Variants in CEP85L observed in about 807,000 individuals in gnomAD.
CEP85L encodes centrosomal protein 85L.
In CEP85L, 60 loss-of-function variants were observed where a neutral mutation model predicts 100.3. That is an observed-to-expected ratio of 0.60 (90% confidence interval 0.49 to 0.74). CEP85L has a LOEUF of 0.74. CEP85L is among the 30% of genes least tolerant of loss of function. CEP85L has a pLI of 0.00. For missense variants in CEP85L, 973 were observed against 936.2 expected (o/e 1.04, Z -0.51); for synonymous variants, 319 against 322.7 (o/e 0.99, Z 0.12).
At chr6:118,485,645 G>A (rs1774129663) in intron 6 of CEP85L, among the ~76,000 whole-genome samples, 1 of 152,130 alleles carries the variant, frequency 6.6e-6, no homozygotes, top group South Asian at 2.1e-4. Context: ...TACAGATGAG[G>A]CCCAAAGATC....
At chr6:118,650,139 T>C (rs552845713) in intron 1 of CEP85L, among the ~76,000 whole-genome samples, 38 of 152,314 alleles carry the variant, frequency 2.5e-4, no homozygotes, top group African/African-American at 9.1e-4. Flanking sequence ...CAAGTCGAGC[T>C]CAAACACTTT....
At chr6:118,632,224 C>T (rs1423491488) in intron 2 of CEP85L, among the ~76,000 whole-genome samples, 1 of 152,118 alleles carries the variant, frequency 6.6e-6, no homozygotes. Context: ...CTCCTGACCT[C>T]GTGATCCGCC....
Position 118,460,816 on chromosome 6 carries a change from A to G in CEP85L, c.*4589T>C, listed in dbSNP as rs578006002. On this transcript the variant is annotated 3_prime_UTR_variant, in exon 13 of 13. Coordinates refer to ENST00000368491, the MANE Select transcript of CEP85L (RefSeq NM_001042475.3). ...TTTCTCTGTAAATACAAATTCCAAC[A>G]TCAACAAACAATAGTCCAGTGGAAA... The G allele has an allele frequency of 7.2e-5, 11 of 152,324 alleles. No homozygotes were observed. Among genetic ancestry groups the G allele is most frequent in the African/African-American group, 2.6e-4 (11 of 41,594 alleles). The allele number at this position is 152,324 out of a possible 1,614,324, so 9.4% of individuals were successfully genotyped here.
At chr6:118,524,775 C>T (rs1243158960) in intron 3 of CEP85L, among the ~76,000 whole-genome samples, 2 of 152,206 alleles carry the variant, frequency 1.3e-5, no homozygotes. Flanking sequence ...TGACCCACTC[C>T]ACAAGTGTGC....
intron 5 of CEP85L, among the ~76,000 whole-genome samples, chr6:118,494,789 C>T (rs182170047): frequency 3.3e-5 from 5 of 152,058 alleles, no homozygotes; most frequent in East Asian, 1.9e-4. Context: ...TTACAAGACA[C>T]GCAAAAAGGC....
At chr6:118,569,340 T>TC (rs1165120089) in intron 2 of CEP85L, among the ~76,000 whole-genome samples, 1 of 14,000 alleles carries the variant, frequency 7.1e-5, no homozygotes, top group African/African-American at 3.2e-4. Flanking sequence ...AGACTCTGTC[T>TC]CAAAAAAAAA....
At chr6:118,482,088 C>T (rs935119687) in intron 7 of CEP85L, among the ~76,000 whole-genome samples, 155 bp from the exon 8 acceptor site, 8 of 150,654 alleles carry the variant, frequency 5.3e-5, no homozygotes, top group African/African-American at 1.7e-4. Context: ...TTTAATTCTC[C>T]ATCTCTTCCT....
chr6:118,565,638 A>G lies in CEP85L; in HGVS notation c.911T>C (p.Leu304Pro). The G allele has an allele frequency of 6.2e-7, 1 of 1,614,208 alleles. No individual in the cohort carries two copies. Among genetic ancestry groups the G allele is most frequent in the Non-Finnish European group, 8.5e-7 (1 of 1,180,036 alleles). Residue 304 changes from leucine to proline, a missense_variant, in exon 3 of 13, where the codon CTG (leucine) becomes CCG (proline). Coordinates refer to ENST00000368491, the MANE Select transcript of CEP85L (RefSeq NM_001042475.3). The stretch of plus-strand genomic sequence containing the variant: ...TCTACCTTCCAAAGGATTTGTCCGC[A>G]GCTGCTCTGTAAGCCACATCTGAGT... Reference protein sequence around the residue: ...VRTQMWLTEQLRTNPLEGRNT... With the variant: ...VRTQMWLTEQPRTNPLEGRNT...
At chr6:118,556,539 T>TAA (rs1289977322) in intron 3 of CEP85L, among the ~76,000 whole-genome samples, 1 of 152,182 alleles carries the variant, frequency 6.6e-6, no homozygotes, top group African/African-American at 2.4e-5. Context: ...GCCTGATACT[T>TAA]ACCTTCCCCT....
intron 2 of CEP85L, among the ~76,000 whole-genome samples, chr6:118,578,764 C>T (rs998416005): frequency 1.3e-5 from 2 of 152,256 alleles, no homozygotes; most frequent in Admixed American, 6.5e-5. Flanking sequence ...CTCTTTTGTT[C>T]GGTGTGCTCT....
intron 4 of CEP85L, among the ~76,000 whole-genome samples, chr6:118,511,738 A>G (rs761340192): frequency 6.6e-6 from 1 of 152,184 alleles, no homozygotes; most frequent in Non-Finnish European, 1.5e-5. Flanking sequence ...TAAAGATAGT[A>G]TGAGTAAACA....
At chr6:118,666,881 C>T (rs1006736428) in intron 1 of CEP85L, among the ~76,000 whole-genome samples, 4 of 152,108 alleles carry the variant, frequency 2.6e-5, no homozygotes, top group Non-Finnish European at 4.4e-5. Context: ...AGTACATGGG[C>T]ATTGTTGGGG....
At chr6:118,652,510 A>T, upstream of CEP85L, 1 of 1,370,106 alleles carries the variant, frequency 7.3e-7, no homozygotes, top group Non-Finnish European at 9.4e-7. Context: ...CAGTAGGCCC[A>T]TCACTCAGAG....
At chr6:118,696,529 T>C (rs918410555) in intron 1 of CEP85L, among the ~76,000 whole-genome samples, 8 of 152,190 alleles carry the variant, frequency 5.3e-5, no homozygotes, top group African/African-American at 1.7e-4. Flanking sequence ...GTCCATATTG[T>C]TGAGCTTGTG....
chr6:118,502,340 T>C, intron 5 of CEP85L: 2 of 519,344 alleles, frequency 3.9e-6, no homozygotes, highest in Non-Finnish European at 7.2e-6. Context: ...ACCATGAGTT[T>C]CTGGCCCCAT....
intron 2 of CEP85L, among the ~76,000 whole-genome samples, chr6:118,596,981 G>A (rs981809471): frequency 6.6e-6 from 1 of 152,118 alleles, no homozygotes; most frequent in Non-Finnish European, 1.5e-5. Context: ...TTTCATCATG[G>A]GGGCGGCTGC....
intron 1 of CEP85L, among the ~76,000 whole-genome samples, chr6:118,707,085 A>G (rs1459319048): frequency 6.6e-6 from 1 of 151,694 alleles, no homozygotes; most frequent in Non-Finnish European, 1.5e-5. Context: ...AGAGATCACA[A>G]CTCTGCCATG....
chr6:118,536,802 C>T (rs73766541), intron 3 of CEP85L, among the ~76,000 whole-genome samples: 4,118 of 152,180 alleles, frequency 0.027, 191 homozygotes, highest in African/African-American at 0.093. Flanking sequence ...ACAAAGAAGC[C>T]TTCTATTAAG....
At chr6:118,483,952 CAACAGT>C in intron 6 of CEP85L, 94 bp from the exon 7 acceptor site, 1 of 1,140,162 alleles carries the variant, frequency 8.8e-7, no homozygotes, top group South Asian at 1.5e-5. Context: ...TTGAATTCAC[CAACAGT>C]TTCAGGTTAT....
Sources: gnomAD v4.1 joint callset for allele counts (sites outside exome capture counted in the v4.1 genomes callset) on GRCh38, gnomAD v4.1.1 for gene constraint, MANE v1.5 for transcripts, NCBI Gene and HGNC (gene_info 2026-07-23, HGNC 2026-07-21) for gene names.